COCH: variants seen among roughly 807,000 people sequenced by gnomAD.
COCH encodes coagulation factor C homolog, cochlin (Limulus polyphemus).
COCH carries 40 observed loss-of-function variants against 54.8 expected under a neutral mutation model. The observed-to-expected ratio is 0.73, with a 90% CI of 0.57 to 0.95. COCH has a LOEUF of 0.95. Among genes scored for constraint, COCH ranks in the 40% least tolerant of loss-of-function variants. COCH has a pLI of 0.00. For missense variants in COCH, 605 were observed against 675.0 expected (o/e 0.90, Z 1.15); for synonymous variants, 256 against 237.9 (o/e 1.08, Z -0.70).
In COCH at chr14:30,885,375, G is replaced by C. The variant is rs1314432845; in HGVS notation, c.734-19G>C. On this transcript the variant is annotated intron_variant, in intron 9 of 11. Coordinates refer to ENST00000396618, the MANE Select transcript of COCH (RefSeq NM_004086.3). Reference sequence around the variant, plus strand: ...GAGCAGTGGTAAAGGCTATTTGTTTGCTTCTTTTTCAAATTTAGGAAAAGC... The same window carrying C: ...GAGCAGTGGTAAAGGCTATTTGTTTCCTTCTTTTTCAAATTTAGGAAAAGC... 6.3e-7 allele frequency: 1 copy of C among 1,586,048 alleles called. No homozygotes were observed. The highest frequency in any genetic ancestry group is 1.1e-5 in the South Asian group (1 of 90,424).
chr14:30,891,646 T>C (rs17097473), downstream of COCH, among the ~76,000 whole-genome samples: 2,125 of 152,298 alleles, frequency 0.014, 50 homozygotes, highest in African/African-American at 0.048. Flanking sequence ...CCCCAGTAAG[T>C]AGACCAAAAA....
At chr14:30,886,606 T>G (rs903035912) in intron 11 of COCH, among the ~76,000 whole-genome samples, 2 of 152,212 alleles carry the variant, frequency 1.3e-5, no homozygotes, top group African/African-American at 4.8e-5. Context: ...CCATGTCACA[T>G]TAAGGAAATA....
At chr14:30,886,915 T>C (rs1431700427) in intron 11 of COCH, among the ~76,000 whole-genome samples, 1 of 151,906 alleles carries the variant, frequency 6.6e-6, no homozygotes, top group Admixed American at 6.6e-5. Flanking sequence ...GAGACGGGGG[T>C]CTCACTTTGT....
At chr14:30,879,634 T>A in intron 6 of COCH, 149 bp downstream of exon 6, 1 of 778,280 alleles carries the variant, frequency 1.3e-6, no homozygotes, top group Non-Finnish European at 2.2e-6. Context: ...ATATTACATA[T>A]GGAAACATTC....
chr14:30,887,190 T>C (rs912600514), intron 11 of COCH, among the ~76,000 whole-genome samples: 13 of 151,900 alleles, frequency 8.6e-5, no homozygotes, highest in African/African-American at 2.9e-4. Context: ...GGTCAGGAGT[T>C]CAAGACCAGC....
chr14:30,875,110 G>T lies in COCH; in HGVS notation c.82+7G>T, dbSNP rs760344236. 10 of 1,559,422 alleles carry T rather than the reference G, an allele frequency of 6.4e-6. No individual in the cohort carries two copies. The highest frequency in any genetic ancestry group is 1.2e-5 in the South Asian group (1 of 85,576). On this transcript the variant is annotated splice_region_variant and intron_variant, in intron 3 of 11. Coordinates refer to ENST00000396618, the MANE Select transcript of COCH (RefSeq NM_004086.3). ...GCGGGCAGCGAGGGAGCCGGTGAGT[G>T]GGGGAGCTGGGGTGCGTCCAGGCGG...
At chr14:30,894,213 T>A (rs565172560), downstream of COCH, 4 of 152,500 alleles carry the variant, frequency 2.6e-5, no homozygotes, top group Non-Finnish European at 5.9e-5. Flanking sequence ...GTATCCTATT[T>A]GTAATGCAAA....
Position 30,880,588 on chromosome 14 carries a change from T to C in COCH, c.483T>C (p.Asp161=), listed in dbSNP as rs1157211343. Residue 161 remains aspartate, a splice_region_variant and synonymous_variant, in exon 8 of 12, where the codon GAT becomes GAC. Transcript: ENST00000396618. ...GGGGACTGGTTTGGTTGTTCGCAGA[T>C]TGTAAAGCAGACATTGCATTTCTGA... ...KTPEKKTGNK[D]CKADIAFLID... 5 of 1,614,146 alleles carry C rather than the reference T, an allele frequency of 3.1e-6. No homozygotes were observed. Among genetic ancestry groups the C allele is most frequent in the East Asian group, 2.2e-5 (1 of 44,878 alleles).
intron 8 of COCH, among the ~76,000 whole-genome samples, chr14:30,883,737 T>C (rs575805494): frequency 1.8e-4 from 27 of 152,326 alleles, no homozygotes; most frequent in Non-Finnish European, 2.5e-4. Context: ...TGGTTGTTTA[T>C]ACTCAAAACG....
At chr14:30,892,502 G>GT (rs1275577299), downstream of COCH, among the ~76,000 whole-genome samples, 3 of 151,996 alleles carry the variant, frequency 2.0e-5, no homozygotes, top group Non-Finnish European at 2.9e-5. Context: ...AAAAAAAATG[G>GT]TATTTAAAAA....
At position 30,886,167 on chromosome 14, in the gene COCH, A is replaced by G. The variant is rs1008723301; in HGVS notation, c.1332A>G (p.Thr444=). 47 of 1,610,880 alleles carry G rather than the reference A, an allele frequency of 2.9e-5. No individual in the cohort carries two copies. Among genetic ancestry groups the G allele is most frequent in the Non-Finnish European group, 3.7e-5 (44 of 1,177,494 alleles). ...ACATCCGCTATATGAGTGGTGGAACAGCTACTGGTGATGCCATTTCCTTCA... is the reference window on the plus strand; with the variant it reads ...ACATCCGCTATATGAGTGGTGGAACGGCTACTGGTGATGCCATTTCCTTCA... ...IRNIRYMSGG[T]ATGDAISFTV... Residue 444 remains threonine, a synonymous_variant, in exon 11 of 12, where the codon ACA becomes ACG. Coordinates refer to ENST00000396618, the MANE Select transcript of COCH (RefSeq NM_004086.3).
chr14:30,895,204 T>G, downstream of COCH: 1 of 578,612 alleles, frequency 1.7e-6, no homozygotes. Flanking sequence ...CTGGAGTCCT[T>G]TTTTCTTTGT....
At position 30,874,831 on chromosome 14, in the gene COCH, G is replaced by T. The variant is rs1012548810; in HGVS notation, c.-23-85G>T. On this transcript the variant is annotated intron_variant, in intron 1 of 11. Coordinates refer to ENST00000396618, the MANE Select transcript of COCH (RefSeq NM_004086.3). Reference sequence around the variant, plus strand: ...CCTCTCTCCTCTGCGCCGCGCCCGGGGATCCGAAGGGTGCGGGGCTCTGAG... The same window carrying T: ...CCTCTCTCCTCTGCGCCGCGCCCGGTGATCCGAAGGGTGCGGGGCTCTGAG... 5 of 1,312,462 alleles carry T rather than the reference G, an allele frequency of 3.8e-6. No individual in the cohort carries two copies. In the African/African-American group the frequency reaches 7.2e-5, roughly 19 times the overall value. 81.3% of individuals were successfully genotyped at this position (1,312,462 alleles called of 1,614,324 possible). A position where few individuals can be genotyped will look rare whatever the true frequency, so the allele number is the denominator to read the frequency against.
intron 8 of COCH, among the ~76,000 whole-genome samples, chr14:30,882,120 G>GTTTTTTTTTTTTTTTTTTGTTTTT (rs1895620276): frequency 1.5e-5 from 1 of 67,894 alleles, no homozygotes; most frequent in African/African-American, 6.6e-5. Flanking sequence ...CTATAAAATG[G>GTTTTTTTTTTTTTTTTTTGTTTTT]TTTTTTTTTT....
At chr14:30,884,900 G>C (rs774364536) in intron 9 of COCH, 12 of 1,590,706 alleles carry the variant, frequency 7.5e-6, no homozygotes, top group Non-Finnish European at 9.4e-6. Context: ...TCATACATTG[G>C]ATTGACTAGA....
intron 11 of COCH, among the ~76,000 whole-genome samples, chr14:30,888,561 C>T (rs1308069003): frequency 1.3e-5 from 2 of 151,988 alleles, no homozygotes; most frequent in Admixed American, 6.6e-5. Flanking sequence ...GCAGATGGAT[C>T]GCTTGAGCCC....
intron 1 of COCH, 161 bp from the exon 2 acceptor site, chr14:30,874,755 C>A: frequency 1.5e-6 from 1 of 680,268 alleles, no homozygotes; most frequent in Non-Finnish European, 2.5e-6. Context: ...GCCGCCGAGG[C>A]GCCTCCCAGA....
rs1895497180 is a variant in COCH, at chr14:30,879,602, C to G, written c.436+117C>G. On this transcript the variant is annotated intron_variant, in intron 6 of 11. Coordinates refer to ENST00000396618, the MANE Select transcript of COCH (RefSeq NM_004086.3). ...AATTTGATATTAAAGAGAAACAAAG[C>G]AAATACCTTAAGTTTACTGGTATAT... The G allele has an allele frequency of 6.0e-6, 6 of 995,608 alleles. No homozygotes were observed. The Admixed American group carries it at 7.0e-5, about 12-fold the overall frequency. 61.7% of individuals were successfully genotyped at this position (995,608 alleles called of 1,614,324 possible).
At chr14:30,893,516 T>C (rs190617835), downstream of COCH, among the ~76,000 whole-genome samples, 328 of 152,266 alleles carry the variant, frequency 2.2e-3, no homozygotes, top group Middle Eastern at 6.8e-3. Flanking sequence ...CCTTGCTGAA[T>C]TTTTTTGTGG....
Sources: gnomAD v4.1 joint callset for allele counts (sites outside exome capture counted in the v4.1 genomes callset) on GRCh38, gnomAD v4.1.1 for gene constraint, MANE v1.5 for transcripts, NCBI Gene and HGNC (gene_info 2026-07-23, HGNC 2026-07-21) for gene names.